The following CNTNAP2 variants were observed in gnomAD, a reference collection of about 807,000 sequenced individuals.
The protein encoded by CNTNAP2 is contactin-associated protein-like 2.
CNTNAP2 carries 98 observed loss-of-function variants against 155.2 expected under a neutral mutation model. The ratio of observed to expected loss-of-function variants is 0.63; its 90% CI spans 0.54 to 0.75. CNTNAP2 has a LOEUF of 0.75. CNTNAP2 is among the 30% of genes least tolerant of loss of function. The probability of loss-of-function intolerance (pLI) is 0.00; values close to 1 mark genes in which losing one functional copy is unlikely to be tolerated. For synonymous variants in CNTNAP2, 651 were observed against 631.2 expected (o/e 1.03, Z -0.47); for missense variants, 1,727 against 1,688.1 (o/e 1.02, Z -0.40).
At chr7:147,932,005 C>T (rs1408331808) in intron 14 of CNTNAP2, among the ~76,000 whole-genome samples, 1 of 152,080 alleles carries the variant, frequency 6.6e-6, no homozygotes, top group Non-Finnish European at 1.5e-5. Context: ...CCTGCCTCAG[C>T]CTCACAAGTA....
chr7:148,308,390 C>A (rs1797527328), intron 21 of CNTNAP2, among the ~76,000 whole-genome samples: 1 of 151,958 alleles, frequency 6.6e-6, no homozygotes, highest in African/African-American at 2.4e-5. Flanking sequence ...CTACAGAAAG[C>A]TTAACCAATG....
chr7:148,321,733 T>C (rs1380559807), intron 21 of CNTNAP2, among the ~76,000 whole-genome samples: 3 of 152,140 alleles, frequency 2.0e-5, no homozygotes. Flanking sequence ...TTTAATGTTT[T>C]CTTGACATGC....
At chr7:147,746,743 G>A (rs118112660) in intron 13 of CNTNAP2, among the ~76,000 whole-genome samples, 2 of 151,834 alleles carry the variant, frequency 1.3e-5, no homozygotes, top group African/African-American at 4.8e-5. Context: ...TAAAATACAC[G>A]CATTTTGGTA....
chr7:148,264,007 C>T (rs1480371353), intron 20 of CNTNAP2, among the ~76,000 whole-genome samples: 1 of 152,114 alleles, frequency 6.6e-6, no homozygotes, highest in Admixed American at 6.6e-5. Context: ...GATTTCCCTT[C>T]GGTGCTCGCG....
chr7:147,535,566 G>A (rs549167220), intron 11 of CNTNAP2, among the ~76,000 whole-genome samples: 6 of 152,190 alleles, frequency 3.9e-5, no homozygotes, highest in South Asian at 4.2e-4. Flanking sequence ...GATTCTTCCC[G>A]GGTTCTTGCT....
chr7:148,148,275 A>G (rs1400384944), intron 17 of CNTNAP2, among the ~76,000 whole-genome samples: 2 of 152,230 alleles, frequency 1.3e-5, no homozygotes, highest in African/African-American at 4.8e-5. Flanking sequence ...TAAACTACCT[A>G]TGCAAGAAGT....
At chr7:148,091,957 A>G (rs1803849818) in intron 15 of CNTNAP2, among the ~76,000 whole-genome samples, 1 of 152,212 alleles carries the variant, frequency 6.6e-6, no homozygotes, top group Non-Finnish European at 1.5e-5. Flanking sequence ...AAAATAAAGA[A>G]TTTATAGTTA....
chr7:146,930,602 A>G (rs1796728657), intron 3 of CNTNAP2, among the ~76,000 whole-genome samples: 1 of 152,222 alleles, frequency 6.6e-6, no homozygotes, highest in Non-Finnish European at 1.5e-5. Context: ...CTTTAAATGT[A>G]AATGGACTAA....
chr7:146,962,294 T>G (rs539588652), intron 3 of CNTNAP2, among the ~76,000 whole-genome samples: 63 of 152,290 alleles, frequency 4.1e-4, no homozygotes, highest in South Asian at 1.9e-3. Context: ...TTGTGCATTT[T>G]CTTTAACACA....
rs201153799 is a variant in CNTNAP2, at chr7:147,542,318, C to CA, written c.1778-19811dup. Reference sequence around the variant, plus strand: ...TTCAGTGGTAAAAAAAAAAAAGCTCCAAAAAAAAAGCAAATAAGAAAGTAA... The same window carrying CA: ...TTCAGTGGTAAAAAAAAAAAAGCTCCAAAAAAAAAAGCAAATAAGAAAGTAA... On this transcript the variant is annotated intron_variant, in intron 11 of 23. Coordinates refer to ENST00000361727, the MANE Select transcript of CNTNAP2 (RefSeq NM_014141.6). Among the ~76,000 whole-genome samples the CA allele has an allele frequency of 4.0e-3, 600 of 148,714 alleles. 3 individuals are homozygous for CA. The highest frequency in any genetic ancestry group is 0.014 in the African/African-American group (551 of 40,460).
intron 11 of CNTNAP2, among the ~76,000 whole-genome samples, chr7:147,490,469 G>A (rs1379532423): frequency 1.3e-5 from 2 of 152,104 alleles, no homozygotes; most frequent in African/African-American, 2.4e-5. Context: ...GATTTCAACA[G>A]CCCATACCAT....
intron 1 of CNTNAP2, among the ~76,000 whole-genome samples, chr7:146,197,142 T>C (rs952042591): frequency 1.3e-5 from 2 of 152,134 alleles, no homozygotes; most frequent in Non-Finnish European, 2.9e-5. Context: ...TCCTAGTGTA[T>C]GATAGCATAA....
chr7:146,933,615 G>T (rs1303955899), intron 3 of CNTNAP2, among the ~76,000 whole-genome samples: 2 of 147,494 alleles, frequency 1.4e-5, no homozygotes, highest in African/African-American at 2.5e-5. Flanking sequence ...AAGAGCTTCT[G>T]CACAGCAAAA....
chr7:147,382,671 G>C (rs1021837739), intron 9 of CNTNAP2, among the ~76,000 whole-genome samples: 1 of 152,062 alleles, frequency 6.6e-6, no homozygotes, highest in Non-Finnish European at 1.5e-5. Context: ...GGTAGTTGAA[G>C]CAATGGCTTT....
At chr7:146,945,686 G>C (rs370263351) in intron 3 of CNTNAP2, among the ~76,000 whole-genome samples, 33 of 152,150 alleles carry the variant, frequency 2.2e-4, no homozygotes, top group African/African-American at 7.9e-4. Flanking sequence ...ATGCTGACTC[G>C]TTCTTGTCTC....
chr7:147,129,144 G>A (rs949265785), intron 7 of CNTNAP2, among the ~76,000 whole-genome samples: 7 of 152,050 alleles, frequency 4.6e-5, no homozygotes, highest in South Asian at 2.1e-4. Context: ...CCCTTAAACC[G>A]GCAGCATCGT....
Position 148,247,813 on chromosome 7 carries a change from C to T in CNTNAP2, c.3381+18034C>T, listed in dbSNP as rs375516099. On this transcript the variant is annotated intron_variant, in intron 20 of 23. Transcript: ENST00000361727. Reference sequence around the variant, plus strand: ...GAATTACAGGTGTGTGCCACCACGCCTGGCTAATTTTTGTATTTTTAGTAG... The same window carrying T: ...GAATTACAGGTGTGTGCCACCACGCTTGGCTAATTTTTGTATTTTTAGTAG... Among the ~76,000 whole-genome samples, 10 of 151,810 alleles carry T rather than the reference C, an allele frequency of 6.6e-5. No homozygotes were observed. In the East Asian group the frequency reaches 1.8e-3, roughly 27 times the overall value.
At chr7:148,354,689 T>G (rs538172563) in intron 21 of CNTNAP2, among the ~76,000 whole-genome samples, 124 of 152,248 alleles carry the variant, frequency 8.1e-4, no homozygotes, top group African/African-American at 2.8e-3. Context: ...CTTTCTTTTT[T>G]TTTTTTTAAC....
chr7:148,150,135 G>A (rs544186312), intron 17 of CNTNAP2, among the ~76,000 whole-genome samples: 11 of 145,718 alleles, frequency 7.5e-5, no homozygotes, highest in South Asian at 2.2e-4. Flanking sequence ...AAAAAAGGAC[G>A]GCCACGGTGG....
Sources: gnomAD v4.1 joint callset for allele counts (sites outside exome capture counted in the v4.1 genomes callset) on GRCh38, gnomAD v4.1.1 for gene constraint, MANE v1.5 for transcripts, NCBI Gene and HGNC (gene_info 2026-07-23, HGNC 2026-07-21) for gene names.